The following TMEM178B variants were observed in gnomAD, a reference collection of about 807,000 sequenced individuals.
TMEM178B encodes transmembrane protein 178B.
TMEM178B carries 5 observed loss-of-function variants against 31.0 expected under a neutral mutation model. The observed-to-expected ratio is 0.16, with a 90% CI of 0.08 to 0.34. TMEM178B has a LOEUF of 0.34. Among genes scored for constraint, TMEM178B ranks in the 10% least tolerant of loss-of-function variants. The pLI is 1.00. For synonymous variants in TMEM178B, 164 were observed against 164.0 expected (o/e 1.00, Z 0.00); for missense variants, 275 against 400.3 (o/e 0.69, Z 2.67).
chr7:141,300,517 A>G (rs570811185), intron 2 of TMEM178B, among the ~76,000 whole-genome samples: 1 of 152,198 alleles, frequency 6.6e-6, no homozygotes, highest in South Asian at 2.1e-4. Context: ...CTCTCTGATG[A>G]AACAATGGAG....
chr7:141,364,900 A>G (rs867967513), intron 2 of TMEM178B, among the ~76,000 whole-genome samples: 1 of 152,210 alleles, frequency 6.6e-6, no homozygotes, highest in South Asian at 2.1e-4. Context: ...GTGTGAGAAT[A>G]TAGGCCAAAT....
At chr7:141,497,623 C>T in the TMEM178B span, among the ~76,000 whole-genome samples, 5 of 152,134 alleles carry the variant, frequency 3.3e-5, 1 homozygote, top group South Asian at 4.2e-4. Flanking sequence ...TGCATCCCTC[C>T]GTCTGTGGTC....
At chr7:141,299,678 G>A (rs763162173) in intron 2 of TMEM178B, among the ~76,000 whole-genome samples, 22 of 152,204 alleles carry the variant, frequency 1.4e-4, no homozygotes, top group Non-Finnish European at 2.9e-4. Flanking sequence ...TAGAGGAGAG[G>A]AAATGAAGGT....
chr7:141,125,490 G>A (rs570379011), intron 1 of TMEM178B, among the ~76,000 whole-genome samples: 1 of 152,022 alleles, frequency 6.6e-6, no homozygotes, highest in South Asian at 2.1e-4. Context: ...AGACCAGCCT[G>A]GACAACATGA....
intron 2 of TMEM178B, among the ~76,000 whole-genome samples, chr7:141,215,337 A>ATTATTATTATTATTATTT (rs55726735): frequency 7.1e-6 from 1 of 141,488 alleles, no homozygotes; most frequent in Non-Finnish European, 1.5e-5. Flanking sequence ...TATTATTATT[A>ATTATTATTATTATTATTT]TTTTTTGAGA....
At chr7:141,294,685 G>C (rs1798601630) in intron 2 of TMEM178B, among the ~76,000 whole-genome samples, 2 of 152,214 alleles carry the variant, frequency 1.3e-5, no homozygotes. Context: ...GTTGGTTTCA[G>C]GGGGCAGGGA....
intron 2 of TMEM178B, among the ~76,000 whole-genome samples, chr7:141,376,771 G>T (rs1800222523): frequency 6.6e-6 from 1 of 152,138 alleles, no homozygotes; most frequent in Non-Finnish European, 1.5e-5. Context: ...CTGGCTTGGT[G>T]TTTTCACAAA....
intron 2 of TMEM178B, chr7:141,416,484 C>T (rs1343657014): frequency 6.6e-6 from 1 of 152,450 alleles, no homozygotes; most frequent in Non-Finnish European, 1.5e-5. Context: ...ACCTGGAGAG[C>T]AGAACAGGCT....
intron 2 of TMEM178B, among the ~76,000 whole-genome samples, chr7:141,328,905 A>G (rs1323609486): frequency 6.7e-6 from 1 of 149,566 alleles, no homozygotes; most frequent in Non-Finnish European, 1.5e-5. Context: ...TGAATAGCTC[A>G]AGGTGACTTA....
At chr7:141,189,160 A>G (rs1205105183) in intron 1 of TMEM178B, among the ~76,000 whole-genome samples, 1 of 152,278 alleles carries the variant, frequency 6.6e-6, no homozygotes, top group Non-Finnish European at 1.5e-5. Context: ...AATGAACATC[A>G]AATGACAAAA....
intron 1 of TMEM178B, among the ~76,000 whole-genome samples, chr7:141,201,426 C>G (rs961015485): frequency 2.6e-5 from 4 of 152,050 alleles, no homozygotes; most frequent in African/African-American, 7.2e-5. Flanking sequence ...GAAAAGGAGA[C>G]TTGTGGGTGG....
chr7:141,304,449 A>G (rs1334936361), intron 2 of TMEM178B, among the ~76,000 whole-genome samples: 1 of 152,088 alleles, frequency 6.6e-6, no homozygotes, highest in Admixed American at 6.5e-5. Flanking sequence ...TGCCCAGCAT[A>G]TGCAGACCTT....
chr7:141,503,801 G>A, the TMEM178B span, among the ~76,000 whole-genome samples: 1 of 152,170 alleles, frequency 6.6e-6, no homozygotes, highest in African/African-American at 2.4e-5. Context: ...TGTATGTGTT[G>A]CTTGTAGAAC....
intron 2 of TMEM178B, among the ~76,000 whole-genome samples, chr7:141,343,919 C>T (rs1563157216): frequency 6.6e-6 from 1 of 152,142 alleles, no homozygotes; most frequent in Non-Finnish European, 1.5e-5. Context: ...TGCCCAAGCC[C>T]CTGATCTCCT....
rs1441753997 is a variant in TMEM178B at position 141,187,007 on chromosome 7, T to C, written c.383-25584T>C. Among the ~76,000 whole-genome samples, 4 of 151,982 alleles carry C rather than the reference T, an allele frequency of 2.6e-5. No individual in the cohort carries two copies. The East Asian group carries it at 7.7e-4, about 29-fold the overall frequency. ...GCACAACGTGCAGGTTTGTTACATA[T>C]GTATACATGTGCCATGTTGGTGTGC... On this transcript the variant is annotated intron_variant, in intron 1 of 3. Transcript: ENST00000565468.
At chr7:141,434,425 T>A (rs1270100514) in intron 2 of TMEM178B, among the ~76,000 whole-genome samples, 2 of 152,200 alleles carry the variant, frequency 1.3e-5, no homozygotes, top group East Asian at 1.9e-4. Context: ...GAAAGAAACC[T>A]CCACACATCG....
At chr7:141,112,742 G>T (rs1028661296) in intron 1 of TMEM178B, among the ~76,000 whole-genome samples, 1 of 152,120 alleles carries the variant, frequency 6.6e-6, no homozygotes, top group Non-Finnish European at 1.5e-5. Context: ...AAAGAGTGGC[G>T]CTCTCTCTTT....
intron 2 of TMEM178B, among the ~76,000 whole-genome samples, chr7:141,243,173 G>T (rs1197526121): frequency 6.6e-6 from 1 of 151,790 alleles, no homozygotes; most frequent in Non-Finnish European, 1.5e-5. Context: ...CTTTTTTTCG[G>T]GTCATTGACT....
intron 1 of TMEM178B, among the ~76,000 whole-genome samples, chr7:141,099,279 A>T (rs533201652): frequency 6.6e-6 from 1 of 152,372 alleles, no homozygotes; most frequent in East Asian, 1.9e-4. Flanking sequence ...CCAGGAGAAC[A>T]TGCTACAGAT....
Sources: gnomAD v4.1 joint callset for allele counts (sites outside exome capture counted in the v4.1 genomes callset) on GRCh38, gnomAD v4.1.1 for gene constraint, MANE v1.5 for transcripts, NCBI Gene and HGNC (gene_info 2026-07-23, HGNC 2026-07-21) for gene names.